Variants in SCOC observed in about 807,000 individuals in gnomAD.
SCOC encodes the protein short coiled coil protein.
SCOC carries 7 observed loss-of-function variants against 9.9 expected under a neutral mutation model. That is an observed-to-expected ratio of 0.71 (90% CI 0.40 to 1.33). SCOC has a LOEUF of 1.33. SCOC is among the 40% of genes most tolerant of loss of function. SCOC has a pLI of 0.01. For synonymous variants in SCOC, 19 were observed against 28.2 expected, an observed-to-expected ratio of 0.67 and a Z score of 1.03; for missense variants, 66 against 89.7, an observed-to-expected ratio of 0.74 and a Z score of 1.07.
At chr4:140,282,338 C>T (rs924560921) in intron 1 of SCOC, among the ~76,000 whole-genome samples, 5 of 152,114 alleles carry the variant, frequency 3.3e-5, no homozygotes, top group Non-Finnish European at 7.4e-5. Flanking sequence ...CATAATGAAC[C>T]ACAGTAATCA....
At chr4:140,343,364 T>C (rs1193980113), upstream of SCOC, 3 of 306,500 alleles carry the variant, frequency 9.8e-6, no homozygotes, top group Non-Finnish European at 1.8e-5. Context: ...GGGTTTGGCA[T>C]CTAGCCAGGG....
At chr4:140,364,831 A>T (rs966930857) in intron 2 of SCOC, among the ~76,000 whole-genome samples, 4 of 152,158 alleles carry the variant, frequency 2.6e-5, no homozygotes, top group Non-Finnish European at 4.4e-5. Context: ...CATGAGGTCA[A>T]AACTGAAGCT....
At chr4:140,338,939 G>A (rs1367102122), upstream of SCOC, among the ~76,000 whole-genome samples, 1 of 152,120 alleles carries the variant, frequency 6.6e-6, no homozygotes, top group Non-Finnish European at 1.5e-5. Flanking sequence ...CACAGAATTG[G>A]AAAAAACTAC....
At chr4:140,350,097 TACCC>T (rs1432292202) in intron 2 of SCOC, among the ~76,000 whole-genome samples, 1 of 152,244 alleles carries the variant, frequency 6.6e-6, no homozygotes, top group Non-Finnish European at 1.5e-5. Context: ...GGAATAACAC[TACCC>T]ACCTTTCTTT....
At position 140,355,226 on chromosome 4, in the gene SCOC, TATATA is replaced by T. The variant is rs1357124614; in HGVS notation, c.70+11519_70+11523del. ...CATTATATTTTTATATATATATATA[TATATA>T]TATATATATATATATATAATGTATA... On this transcript the variant is annotated intron_variant, in intron 2 of 4. Coordinates refer to the SCOC transcript ENST00000338517. Among the ~76,000 whole-genome samples the T allele has an allele frequency of 1.9e-4, 23 of 122,106 alleles. No homozygotes were observed. The South Asian group carries it at 2.1e-3, about 11-fold the overall frequency. 80.1% of individuals were successfully genotyped at this position (122,106 alleles called of 152,430 possible).
rs558967192 is a variant in SCOC, at chr4:140,291,767, T to TG, written c.-19+34364dup. Among the ~76,000 whole-genome samples, 66 of 152,180 alleles carry TG rather than the reference T, an allele frequency of 4.3e-4. 1 individual carries two copies. Among genetic ancestry groups the TG allele is most frequent in the Admixed American group, 1.4e-3 (22 of 15,288 alleles). The stretch of plus-strand genomic sequence containing the variant: ...GATCCATCTGATTTCTCAGCTCTAT[T>TG]GGGGGGGCTGTGATAATACTGCAGG... On this transcript the variant is annotated intron_variant, in intron 1 of 4. Coordinates refer to the SCOC transcript ENST00000394205.
intron 1 of SCOC, among the ~76,000 whole-genome samples, chr4:140,318,387 A>C (rs2126478228): frequency 1.8e-5 from 2 of 113,706 alleles, no homozygotes; most frequent in South Asian, 6.7e-4. Flanking sequence ...TTACAAGAAA[A>C]AAACAAACAA....
intron 1 of SCOC, chr4:140,284,510 A>C (rs1286553771): frequency 6.6e-6 from 1 of 152,208 alleles, no homozygotes; most frequent in Non-Finnish European, 1.5e-5. Flanking sequence ...TGGGAGAAGG[A>C]AAAAAATATC....
chr4:140,339,441 T>C (rs1726413420), upstream of SCOC, among the ~76,000 whole-genome samples: 1 of 152,028 alleles, frequency 6.6e-6, no homozygotes, highest in African/African-American at 2.4e-5. Flanking sequence ...AAAGCCAAAA[T>C]TGACAAATGG....
At chr4:140,298,475 CT>C (rs1268176834) in intron 1 of SCOC, among the ~76,000 whole-genome samples, 4 of 152,250 alleles carry the variant, frequency 2.6e-5, no homozygotes, top group African/African-American at 9.6e-5. Context: ...ATGCAAGTTC[CT>C]TCCTTCTGCA....
chr4:140,281,025 A>G lies in SCOC; in HGVS notation c.-19+23615A>G, dbSNP rs1481271708. Among the ~76,000 whole-genome samples the G allele has an allele frequency of 2.6e-5, 4 of 152,160 alleles. No individual in the cohort carries two copies. The East Asian group carries it at 7.7e-4, about 29-fold the overall frequency. On this transcript the variant is annotated intron_variant, in intron 1 of 4. Coordinates refer to the SCOC transcript ENST00000394205. ...ATGTTTTGACAAGTGGTCTTCTGAT[A>G]TTGAATACAAGATTTATGCACATTT...
chr4:140,347,844 T>C (rs1236268284), intron 2 of SCOC, among the ~76,000 whole-genome samples: 4 of 152,338 alleles, frequency 2.6e-5, no homozygotes, highest in African/African-American at 9.6e-5. Flanking sequence ...ACATTACTCT[T>C]ACTATGGTTT....
chr4:140,362,115 C>T (rs13125435), intron 2 of SCOC, among the ~76,000 whole-genome samples: 120,410 of 150,490 alleles, frequency 0.8, 48,514 homozygotes, highest in Non-Finnish European at 0.85. Flanking sequence ...TAGTTTTCTG[C>T]CTTCACTGAA....
intron 1 of SCOC, among the ~76,000 whole-genome samples, chr4:140,287,411 TAC>T (rs2126426934): frequency 6.8e-6 from 1 of 146,424 alleles, no homozygotes; most frequent in South Asian, 2.2e-4. Context: ...GTACACACAC[TAC>T]ACACACTACA....
At chr4:140,273,435 TC>T (rs1253589128) in intron 1 of SCOC, among the ~76,000 whole-genome samples, 4 of 152,184 alleles carry the variant, frequency 2.6e-5, no homozygotes, top group African/African-American at 7.2e-5. Context: ...CTTTTACACA[TC>T]TTTTTTTTTC....
chr4:140,350,323 T>C (rs1374082214), intron 2 of SCOC, among the ~76,000 whole-genome samples: 1 of 152,214 alleles, frequency 6.6e-6, no homozygotes, highest in Non-Finnish European at 1.5e-5. Flanking sequence ...TTTTCAAATA[T>C]CTGTATTCCC....
At chr4:140,322,409 G>T (rs1009373524) in intron 1 of SCOC, among the ~76,000 whole-genome samples, 1 of 152,182 alleles carries the variant, frequency 6.6e-6, no homozygotes, top group Non-Finnish European at 1.5e-5. Context: ...GTCATGAACG[G>T]AATGCTGGTA....
At chr4:140,286,363 A>G (rs1406890858) in intron 1 of SCOC, among the ~76,000 whole-genome samples, 1 of 150,518 alleles carries the variant, frequency 6.6e-6, no homozygotes, top group Non-Finnish European at 1.5e-5. Context: ...TAAAGGCTGA[A>G]AAAAAAAAAC....
chr4:140,316,998 T>C (rs2126475813), intron 1 of SCOC, among the ~76,000 whole-genome samples: 1 of 152,284 alleles, frequency 6.6e-6, no homozygotes, highest in Admixed American at 6.5e-5. Flanking sequence ...GCCCAGCATA[T>C]TCTGCAGTGT....
Sources: gnomAD v4.1 joint callset for allele counts (sites outside exome capture counted in the v4.1 genomes callset) on GRCh38, gnomAD v4.1.1 for gene constraint, MANE v1.5 for transcripts, NCBI Gene and HGNC (gene_info 2026-07-23, HGNC 2026-07-21) for gene names.